The following TAFA2 variants were observed in gnomAD, a reference collection of about 807,000 sequenced individuals.
TAFA2 encodes chemokine-like protein TAFA-2.
TAFA2 carries 7 observed loss-of-function variants against 18.8 expected under a neutral mutation model. That is an observed-to-expected ratio of 0.37 (90% CI 0.21 to 0.70). TAFA2 has a LOEUF of 0.70. Ranked by LOEUF, TAFA2 falls within the 30% of genes least tolerant of loss-of-function variation. TAFA2 has a pLI of 0.53. For synonymous variants in TAFA2, 60 were observed against 54.2 expected (o/e 1.11, Z -0.47); for missense variants, 122 against 158.1 (o/e 0.77, Z 1.23).
At chr12:62,233,171 C>T (rs2062820609) in intron 1 of TAFA2, among the ~76,000 whole-genome samples, 1 of 148,950 alleles carries the variant, frequency 6.7e-6, no homozygotes, top group Non-Finnish European at 1.5e-5. Flanking sequence ...ACCTCCGCCT[C>T]CCACGTTCAA....
At chr12:61,799,587 C>T (rs976622649) in intron 2 of TAFA2, among the ~76,000 whole-genome samples, 1 of 152,118 alleles carries the variant, frequency 6.6e-6, no homozygotes, top group African/African-American at 2.4e-5. Context: ...CTTTGGGAGG[C>T]CGAGGCGGGC....
At chr12:62,236,738 T>C (rs1291850325) in intron 1 of TAFA2, among the ~76,000 whole-genome samples, 4 of 152,246 alleles carry the variant, frequency 2.6e-5, no homozygotes. Flanking sequence ...ACAGTATTCT[T>C]GTTGGATAAT....
At chr12:62,245,252 TG>T (rs1347465299) in intron 1 of TAFA2, among the ~76,000 whole-genome samples, 2 of 152,154 alleles carry the variant, frequency 1.3e-5, no homozygotes, top group African/African-American at 4.8e-5. Flanking sequence ...ATTTCTCCAT[TG>T]CTTTGTAATG....
intron 2 of TAFA2, among the ~76,000 whole-genome samples, chr12:61,840,898 A>T (rs1196090704): frequency 6.6e-6 from 1 of 152,140 alleles, no homozygotes; most frequent in African/African-American, 2.4e-5. Context: ...GCCAAAAATT[A>T]TAGCAGTACC....
chr12:61,802,246 C>T lies in TAFA2; in HGVS notation c.107-47222G>A, dbSNP rs374477528. On this transcript the variant is annotated intron_variant, in intron 2 of 4. Transcript: ENST00000416284. Reference sequence around the variant, plus strand: ...TAGAGCTACCATATGATCCAGCAATCCCTCTGTTGGGTATTCATCCAAAGG... The same window carrying T: ...TAGAGCTACCATATGATCCAGCAATTCCTCTGTTGGGTATTCATCCAAAGG... 3.3e-5 allele frequency among the ~76,000 whole-genome samples: 5 copies of T among 151,986 alleles called. No individual in the cohort carries two copies. The East Asian group carries it at 9.7e-4, about 29-fold the overall frequency.
chr12:61,786,146 T>C (rs1870728313), intron 2 of TAFA2, among the ~76,000 whole-genome samples: 1 of 151,518 alleles, frequency 6.6e-6, no homozygotes. Flanking sequence ...AAGCCACAGA[T>C]CACGTGGGAC....
chr12:62,159,045 A>T (rs1261323046), intron 1 of TAFA2, among the ~76,000 whole-genome samples: 1 of 152,222 alleles, frequency 6.6e-6, no homozygotes, highest in African/African-American at 2.4e-5. Flanking sequence ...GAGTTCCAAA[A>T]AAATCATTAG....
At chr12:61,857,621 A>AC (rs1210847931) in intron 2 of TAFA2, among the ~76,000 whole-genome samples, 1 of 152,128 alleles carries the variant, frequency 6.6e-6, no homozygotes, top group Non-Finnish European at 1.5e-5. Context: ...TCTAAAGGCA[A>AC]CCTTTTCTCA....
chr12:61,762,390 T>G lies in TAFA2; in HGVS notation c.107-7366A>C, dbSNP rs138775594. On this transcript the variant is annotated intron_variant, in intron 2 of 4. Transcript: ENST00000416284. ...TGAATAAACTCTAAAGCAAGTTTAT[T>G]CCTTTTCCAAAGAATTGGTTTGTTC... 6.7e-3 allele frequency among the ~76,000 whole-genome samples: 1,015 copies of G among 152,100 alleles called. 11 individuals carry two copies. The highest frequency in any genetic ancestry group is 8.3e-3 in the Non-Finnish European group (562 of 67,974).
intron 1 of TAFA2, among the ~76,000 whole-genome samples, chr12:61,978,635 T>C (rs1879521288): frequency 6.6e-6 from 1 of 151,958 alleles, no homozygotes. Context: ...ATAACTTGGA[T>C]TCACCTGAAA....
intron 4 of TAFA2, among the ~76,000 whole-genome samples, chr12:61,736,936 G>T (rs1043489677): frequency 3.3e-5 from 5 of 151,900 alleles, no homozygotes; most frequent in African/African-American, 4.8e-5. Flanking sequence ...CATTGAAGAG[G>T]TATATATAGA....
intron 1 of TAFA2, among the ~76,000 whole-genome samples, chr12:62,238,694 T>C (rs2062848855): frequency 6.6e-6 from 1 of 152,230 alleles, no homozygotes; most frequent in South Asian, 2.1e-4. Context: ...ACTTTATTTA[T>C]CTTTTTAGCC....
At chr12:62,147,057 A>C (rs2062286441) in intron 1 of TAFA2, among the ~76,000 whole-genome samples, 1 of 151,476 alleles carries the variant, frequency 6.6e-6, no homozygotes, top group Admixed American at 6.6e-5. Context: ...GCAAAAATGA[A>C]CCATGAGGAA....
intron 1 of TAFA2, among the ~76,000 whole-genome samples, chr12:61,949,890 G>C (rs975335318): frequency 6.6e-6 from 1 of 152,000 alleles, no homozygotes; most frequent in Non-Finnish European, 1.5e-5. Context: ...TTGCAAAATC[G>C]AAACTCCATA....
intron 1 of TAFA2, among the ~76,000 whole-genome samples, chr12:62,209,646 A>G (rs1016574707): frequency 3.3e-5 from 5 of 152,184 alleles, no homozygotes; most frequent in Admixed American, 2.6e-4. Flanking sequence ...AGCAATACCT[A>G]ATTATGTTCA....
intron 1 of TAFA2, among the ~76,000 whole-genome samples, chr12:62,158,783 A>G (rs2062388083): frequency 6.6e-6 from 1 of 152,228 alleles, no homozygotes; most frequent in South Asian, 2.1e-4. Flanking sequence ...ATATCTACTT[A>G]AAAGCAAAAC....
intron 1 of TAFA2, 28 bp from the exon 2 acceptor site, chr12:61,867,454 T>C: frequency 3.7e-6 from 5 of 1,352,684 alleles, no homozygotes; most frequent in Non-Finnish European, 5.3e-6. Flanking sequence ...ATAAAAATCA[T>C]AAGTATGCAA....
chr12:61,724,061 T>C (rs1376075908), intron 4 of TAFA2, among the ~76,000 whole-genome samples: 1 of 152,098 alleles, frequency 6.6e-6, no homozygotes, highest in East Asian at 1.9e-4. Context: ...CAAAATAATA[T>C]TGTGCATGCA....
chr12:61,957,905 T>A (rs769663414), intron 1 of TAFA2, among the ~76,000 whole-genome samples: 1 of 152,102 alleles, frequency 6.6e-6, no homozygotes, highest in Non-Finnish European at 1.5e-5. Context: ...ATGCTAAAGA[T>A]GATGGACAAA....
Sources: allele counts gnomAD v4.1 joint callset (sites outside exome capture counted in the v4.1 genomes callset), GRCh38; gene constraint gnomAD v4.1.1; transcripts MANE v1.5; gene names NCBI Gene and HGNC (gene_info 2026-07-23, HGNC 2026-07-21).